Variants in CRAMP1 observed in about 807,000 individuals in gnomAD.
CRAMP1 encodes the protein cramped chromatin regulator 1.
Under a neutral mutation model 115.4 loss-of-function variants are expected in CRAMP1, and 50 were observed. The ratio of observed to expected loss-of-function variants is 0.43; its 90% CI spans 0.35 to 0.55. The LOEUF (loss-of-function observed/expected upper bound fraction) is 0.55. Among genes scored for constraint, CRAMP1 ranks in the 20% least tolerant of loss-of-function variants. The pLI is 0.01. For synonymous variants in CRAMP1, 866 were observed against 745.4 expected, an observed-to-expected ratio of 1.16 and a Z score of -2.64; for missense variants, 1,679 against 1,721.7, an observed-to-expected ratio of 0.98 and a Z score of 0.44.
In CRAMP1 at chr16:1,615,109, T is replaced by G. The variant is rs2301458; in HGVS notation, c.346+124T>G. The G allele has an allele frequency of 7.7e-4, 375 of 485,386 alleles. 2 individuals carry two copies. The highest frequency in any genetic ancestry group is 6.8e-3 in the African/African-American group (337 of 49,528). 30.1% of individuals were successfully genotyped at this position (485,386 alleles called of 1,614,324 possible). A position where few individuals can be genotyped will look rare whatever the true frequency, so the allele number is the denominator to read the frequency against. ...CCCATCCCGCGGCCTACACTGAGGC[T>G]CTCAATTTGGGTGGCACTTATGGGG... On this transcript the variant is annotated intron_variant, in intron 2 of 20. Transcript: ENST00000397412.
chr16:1,655,962 A>T lies in CRAMP1; in HGVS notation c.1205A>T (p.Glu402Val). 6.2e-7 allele frequency: 1 copy of T among 1,613,088 alleles called. No individual in the cohort carries two copies. The highest frequency in any genetic ancestry group is 8.5e-7 in the Non-Finnish European group (1 of 1,179,870). ...EKVTLHLFPG[E>V]NCTLTPLPGV... is the part of the protein sequence containing the mutation. ...GTGACACTGCACTTGTTCCCAGGCG[A>T]GAACTGTACACTGACACCGCTGCCG... The change falls in exon 10 of 21, where the codon GAG (glutamate) becomes GTG (valine). Residue 402 changes from glutamate to valine, a missense_variant. By Grantham distance (121) the Glu-to-Val change is moderately radical. This residue lies in a region of CRAMP1 where 191 missense variants were observed against 236.2 expected (regional missense o/e 0.81). Coordinates refer to ENST00000397412, the MANE Select transcript of CRAMP1 (RefSeq NM_020825.4).
intron 11 of CRAMP1, among the ~76,000 whole-genome samples, chr16:1,661,612 T>G (rs1456301290): frequency 6.7e-6 from 1 of 150,042 alleles, no homozygotes; most frequent in Admixed American, 6.6e-5. Flanking sequence ...TTTTTTTTTT[T>G]TGAGATGGAG....
intron 10 of CRAMP1, 150 bp from the exon 11 acceptor site, chr16:1,659,736 T>G: frequency 2.6e-6 from 2 of 762,392 alleles, no homozygotes; most frequent in South Asian, 1.6e-5. Context: ...CTGGGGACAC[T>G]GAGGTTGGGC....
rs534582721 is a variant in CRAMP1 at position 1,675,508 on chromosome 16, T to G, written c.*1463T>G. ...ACGCTGCAGCCCTCAAGGCCAGCCC[T>G]GGCCCCTCCACTGCTTCTCTCCCCA... On this transcript the variant is annotated 3_prime_UTR_variant, in exon 21 of 21. Coordinates refer to ENST00000397412, the MANE Select transcript of CRAMP1 (RefSeq NM_020825.4). 45 of 152,980 alleles carry G rather than the reference T, an allele frequency of 2.9e-4. No individual in the cohort carries two copies. Among genetic ancestry groups the G allele is most frequent in the African/African-American group, 1.1e-3 (45 of 41,604 alleles). The allele number at this position is 152,980 out of a possible 1,614,324, so 9.5% of individuals were successfully genotyped here.
chr16:1,664,144 C>T (rs34363032), intron 13 of CRAMP1, among the ~76,000 whole-genome samples: 12,748 of 152,244 alleles, frequency 0.084, 603 homozygotes, highest in African/African-American at 0.11. Flanking sequence ...GAGGCGGAAG[C>T]GCCTCAGACA....
Position 1,672,921 on chromosome 16 carries a change from T to G in CRAMP1, c.3646-960T>G, listed in dbSNP as rs2036933729. Among the ~76,000 whole-genome samples, 1 of 152,268 alleles carries G rather than the reference T, an allele frequency of 6.6e-6. No homozygotes were observed. The highest frequency in any genetic ancestry group is 2.4e-5 in the African/African-American group (1 of 41,480). ...TTTTCAGTCAAAGCCTCTTCCTGTC[T>G]CAGGGAACATGCCTGTTGCTTCTTT... On this transcript the variant is annotated intron_variant, in intron 20 of 20. Transcript: ENST00000397412. The surrounding 1 kb of genome is among the most constrained non-coding windows in gnomAD (Gnocchi z 4.9).
chr16:1,634,798 T>C lies in CRAMP1; in HGVS notation c.694+2433T>C, dbSNP rs73499772. Among the ~76,000 whole-genome samples the C allele has an allele frequency of 6.1e-3, 933 of 152,322 alleles. 6 individuals carry two copies. The highest frequency in any genetic ancestry group is 0.021 in the African/African-American group (882 of 41,566). ...ACAGGAGCATGAGGCTGGAGGCCAC[T>C]AGGACACTGCGAAGTGACTGGCCCC... is the stretch of plus-strand genomic sequence containing the variant. On this transcript the variant is annotated intron_variant, in intron 4 of 20. Transcript: ENST00000397412.
rs770644309 is a variant in CRAMP1, at chr16:1,667,945, T to C, written c.3103-17T>C. On this transcript the variant is annotated splice_polypyrimidine_tract_variant and intron_variant, in intron 17 of 20. Transcript: ENST00000397412. ...GATAGACCTGGTTGTGTCTGAAAAA[T>C]ACCTGTCTCCCAGCAGGGCTCATCT... The C allele has an allele frequency of 2.0e-5, 31 of 1,530,876 alleles. No individual in the cohort carries two copies. In the South Asian group the frequency reaches 3.2e-4, roughly 16 times the overall value. 94.8% of individuals were successfully genotyped at this position (1,530,876 alleles called of 1,614,324 possible). A position where few individuals can be genotyped will look rare whatever the true frequency, so the allele number is the denominator to read the frequency against.
chr16:1,658,108 C>T (rs757717081), intron 10 of CRAMP1, among the ~76,000 whole-genome samples: 4 of 152,206 alleles, frequency 2.6e-5, no homozygotes, highest in Admixed American at 6.5e-5. Context: ...CACCCCCAGC[C>T]GGTGCAGGGC....
At chr16:1,644,823 A>G (rs887826802) in intron 6 of CRAMP1, among the ~76,000 whole-genome samples, 4 of 152,018 alleles carry the variant, frequency 2.6e-5, no homozygotes, top group African/African-American at 9.7e-5. Context: ...AGAGATGGGG[A>G]CGCTGTTGGA....
At chr16:1,657,136 T>A in intron 10 of CRAMP1, 144 bp downstream of exon 10, 1 of 743,116 alleles carries the variant, frequency 1.3e-6, no homozygotes, top group Non-Finnish European at 2.1e-6. Context: ...GCCAGGAGCC[T>A]TCAGGACCTC....
chr16:1,655,456 C>G (rs954992098), intron 9 of CRAMP1, among the ~76,000 whole-genome samples, 156 bp downstream of exon 9: 1 of 152,194 alleles, frequency 6.6e-6, no homozygotes, highest in African/African-American at 2.4e-5. Flanking sequence ...ACCTGGAGCC[C>G]CTTATTCCCT....
At chr16:1,667,215 C>T (rs913515511) in intron 16 of CRAMP1, 120 bp from the exon 17 acceptor site, 2 of 736,530 alleles carry the variant, frequency 2.7e-6, no homozygotes, top group Middle Eastern at 3.4e-4. Flanking sequence ...TTTACTGTCC[C>T]TCTGCTGTTA....
chr16:1,675,051 G>T lies in CRAMP1; in HGVS notation c.*1006G>T, dbSNP rs2036955734. On this transcript the variant is annotated 3_prime_UTR_variant, in exon 21 of 21. Transcript: ENST00000397412. Reference sequence around the variant, plus strand: ...GCCTGACATACGTGTTCAGTCCCTTGCATACCTTTGCCTTGAGACTTCTGT... The same window carrying T: ...GCCTGACATACGTGTTCAGTCCCTTTCATACCTTTGCCTTGAGACTTCTGT... 1 of 152,282 alleles carries T rather than the reference G, an allele frequency of 6.6e-6. No homozygotes were observed. The highest frequency in any genetic ancestry group is 2.1e-4 in the South Asian group (1 of 4,838). 9.4% of individuals were successfully genotyped at this position (152,282 alleles called of 1,614,324 possible).
intron 16 of CRAMP1, among the ~76,000 whole-genome samples, chr16:1,667,122 C>T (rs2036882803): frequency 6.6e-6 from 1 of 152,240 alleles, no homozygotes. Flanking sequence ...TTACTTCACT[C>T]TTGGAAGCAA....
intron 2 of CRAMP1, among the ~76,000 whole-genome samples, chr16:1,620,001 C>T (rs1596481344): frequency 6.6e-6 from 1 of 152,176 alleles, no homozygotes; most frequent in African/African-American, 2.4e-5. Flanking sequence ...TGGAGCGACA[C>T]CACTGCGTGT....
chr16:1,659,591 G>T lies in CRAMP1; in HGVS notation c.2236-295G>T, dbSNP rs535698580. ...TTTAGTAGAGACAGCGTTTCACCGT[G>T]TTAGCCAGGATGGTCTCGATCTCCT... On this transcript the variant is annotated intron_variant, in intron 10 of 20. Transcript: ENST00000397412. 3.4e-4 allele frequency among the ~76,000 whole-genome samples: 51 copies of T among 152,226 alleles called. No individual in the cohort carries two copies. The South Asian group carries it at 0.01, about 30-fold the overall frequency.
At chr16:1,615,078 A>T in intron 2 of CRAMP1, 93 bp downstream of exon 2, 3 of 733,738 alleles carry the variant, frequency 4.1e-6, no homozygotes, top group Non-Finnish European at 5.6e-6. Context: ...GCTCCACCCT[A>T]GCTCACCCAT....
intron 3 of CRAMP1, among the ~76,000 whole-genome samples, chr16:1,630,175 G>A: frequency 6.6e-6 from 1 of 152,018 alleles, no homozygotes; most frequent in East Asian, 1.9e-4. Context: ...TTGAGAGTCA[G>A]TCTTGCTTTG....
Sources: gnomAD v4.1 joint callset for allele counts (sites outside exome capture counted in the v4.1 genomes callset) on GRCh38, gnomAD v4.1.1 for gene constraint, gnomAD v4.1.1 regional missense constraint, Gnocchi (gnomAD v3.1) non-coding constraint, MANE v1.5 for transcripts, NCBI Gene and HGNC (gene_info 2026-07-23, HGNC 2026-07-21) for gene names.